Variants in KCNIP4 observed in about 807,000 individuals in gnomAD.
KCNIP4 encodes the protein Kv channel-interacting protein 4.
In KCNIP4, 12 loss-of-function variants were observed where a neutral mutation model predicts 34.0. The ratio of observed to expected loss-of-function variants is 0.35; its 90% confidence interval spans 0.23 to 0.57. KCNIP4 has a LOEUF of 0.57. Ranked by LOEUF, KCNIP4 falls within the 20% of genes least tolerant of loss-of-function variation. The pLI, the probability that KCNIP4 is intolerant of heterozygous loss-of-function variation, is 0.83. For synonymous variants in KCNIP4, 124 were observed against 102.2 expected, an observed-to-expected ratio of 1.21 and a Z score of -1.29; for missense variants, 238 against 311.7, an observed-to-expected ratio of 0.76 and a Z score of 1.78.
intron 3 of KCNIP4, among the ~76,000 whole-genome samples, chr4:20,836,667 A>T (rs374048488): frequency 7.9e-5 from 12 of 152,330 alleles, no homozygotes; most frequent in African/African-American, 2.6e-4. Context: ...CCCCACTCAC[A>T]TTATCAAGGG....
intron 1 of KCNIP4, among the ~76,000 whole-genome samples, chr4:20,916,513 AT>A (rs1288221161): frequency 6.6e-6 from 1 of 152,144 alleles, no homozygotes; most frequent in Non-Finnish European, 1.5e-5. Context: ...GGGGAAATGA[AT>A]TTTCCACGAA....
intron 1 of KCNIP4, among the ~76,000 whole-genome samples, chr4:21,757,839 T>G (rs1183481337): frequency 6.6e-6 from 1 of 152,180 alleles, no homozygotes; most frequent in African/African-American, 2.4e-5. Context: ...AAGATAGAAC[T>G]GTTCAGAACT....
In KCNIP4 at chr4:21,535,574, A is replaced by G. The variant is rs1032524702; in HGVS notation, c.61+412997T>C. 2.6e-5 allele frequency among the ~76,000 whole-genome samples: 4 copies of G among 152,134 alleles called. No homozygotes were observed. The East Asian group carries it at 7.7e-4, about 29-fold the overall frequency. On this transcript the variant is annotated intron_variant, in intron 1 of 8. Coordinates refer to ENST00000382152, the MANE Select transcript of KCNIP4 (RefSeq NM_025221.6). ...TAGCAACGACAAATGAAGCATAGTTACCCTCATTTGATTTGCGGCATTTCA... is the reference window on the plus strand; with the variant it reads ...TAGCAACGACAAATGAAGCATAGTTGCCCTCATTTGATTTGCGGCATTTCA...
chr4:21,107,173 G>A (rs372476845), intron 1 of KCNIP4, among the ~76,000 whole-genome samples: 3 of 141,250 alleles, frequency 2.1e-5, no homozygotes, highest in Non-Finnish European at 4.6e-5. Flanking sequence ...CTGTCTCATT[G>A]ATCTGTCTAA....
chr4:21,003,721 T>A (rs1244094977), intron 1 of KCNIP4, among the ~76,000 whole-genome samples: 2 of 152,184 alleles, frequency 1.3e-5, no homozygotes. Context: ...TTATTGCTGA[T>A]ATTATTTTAT....
intron 8 of KCNIP4, among the ~76,000 whole-genome samples, chr4:20,730,727 C>T (rs1385830553): frequency 6.6e-6 from 1 of 152,112 alleles, no homozygotes; most frequent in African/African-American, 2.4e-5. Context: ...GAGCAGAAAC[C>T]ACTGCTCAGT....
At chr4:21,008,270 C>G (rs1738745588) in intron 1 of KCNIP4, among the ~76,000 whole-genome samples, 1 of 152,162 alleles carries the variant, frequency 6.6e-6, no homozygotes, top group Admixed American at 6.5e-5. Flanking sequence ...TCTCCCCATT[C>G]TGTCTTTTAA....
chr4:21,767,424 T>A (rs543854141), intron 1 of KCNIP4, among the ~76,000 whole-genome samples: 197 of 151,774 alleles, frequency 1.3e-3, no homozygotes, highest in African/African-American at 4.6e-3. Flanking sequence ...CAGAGAGAAA[T>A]CAAGGAGATG....
intron 1 of KCNIP4, among the ~76,000 whole-genome samples, chr4:20,940,422 A>G (rs1250034993): frequency 6.6e-6 from 1 of 152,214 alleles, no homozygotes; most frequent in Non-Finnish European, 1.5e-5. Context: ...AAAATAGTCA[A>G]TAAAACTCTT....
chr4:20,801,017 T>C (rs1714155668), intron 3 of KCNIP4, among the ~76,000 whole-genome samples: 1 of 152,106 alleles, frequency 6.6e-6, no homozygotes, highest in Admixed American at 6.6e-5. Flanking sequence ...AGACAAAGAA[T>C]TTTAAAAGCA....
intron 1 of KCNIP4, among the ~76,000 whole-genome samples, chr4:21,178,815 CTTTTTTT>C (rs10611485): frequency 0.17 from 23,685 of 136,918 alleles, 1,979 homozygotes; most frequent in Middle Eastern, 0.24. Context: ...TAACACCAAA[CTTTTTTT>C]TTTTTTTTTT....
intron 1 of KCNIP4, among the ~76,000 whole-genome samples, chr4:21,396,182 T>C (rs1722979145): frequency 1.3e-5 from 2 of 150,552 alleles, no homozygotes; most frequent in South Asian, 4.2e-4. Context: ...ATAGTCCTTC[T>C]CTAGAAATAC....
intron 1 of KCNIP4, among the ~76,000 whole-genome samples, chr4:21,106,433 C>T (rs1045242104): frequency 2.0e-5 from 3 of 151,546 alleles, no homozygotes; most frequent in Admixed American, 6.6e-5. Context: ...TCTGTGGGAT[C>T]GGTGGTGATA....
chr4:20,805,872 C>T (rs1217066932), intron 3 of KCNIP4, among the ~76,000 whole-genome samples: 2 of 152,028 alleles, frequency 1.3e-5, no homozygotes, highest in Non-Finnish European at 2.9e-5. Context: ...GCTGGCTGCT[C>T]AAAAGAAATT....
intron 1 of KCNIP4, among the ~76,000 whole-genome samples, chr4:21,146,869 C>T (rs1752394514): frequency 6.6e-6 from 1 of 152,030 alleles, no homozygotes; most frequent in Non-Finnish European, 1.5e-5. Context: ...TCTATTAAGA[C>T]ACATTTCATT....
chr4:21,838,771 A>G (rs903763437), intron 1 of KCNIP4, among the ~76,000 whole-genome samples: 53 of 152,168 alleles, frequency 3.5e-4, no homozygotes, highest in Non-Finnish European at 6.3e-4. Flanking sequence ...TCCTTAGAAA[A>G]AAACAAACAA....
intron 1 of KCNIP4, among the ~76,000 whole-genome samples, chr4:21,442,259 A>C (rs1025630260): frequency 2.6e-5 from 4 of 152,038 alleles, no homozygotes; most frequent in Non-Finnish European, 5.9e-5. Context: ...ACTCTTCATA[A>C]TTTTTTCCTT....
intron 3 of KCNIP4, among the ~76,000 whole-genome samples, chr4:20,795,561 T>C (rs1713344328): frequency 6.6e-6 from 1 of 152,196 alleles, no homozygotes; most frequent in Non-Finnish European, 1.5e-5. Context: ...TCAGCATGTC[T>C]AATTTCTTAA....
At chr4:21,078,194 G>A (rs1345031937) in intron 1 of KCNIP4, among the ~76,000 whole-genome samples, 1 of 152,062 alleles carries the variant, frequency 6.6e-6, no homozygotes, top group Non-Finnish European at 1.5e-5. Context: ...CTTCAAGAGT[G>A]ACTGGAAAGA....
Sources: gnomAD v4.1 joint callset for allele counts (sites outside exome capture counted in the v4.1 genomes callset) on GRCh38, gnomAD v4.1.1 for gene constraint, MANE v1.5 for transcripts, NCBI Gene and HGNC (gene_info 2026-07-23, HGNC 2026-07-21) for gene names.